Variants in CEP192 observed in about 807,000 individuals in gnomAD.
CEP192 encodes the protein centrosomal protein of 192 kDa.
In CEP192, 151 loss-of-function variants were observed where a neutral mutation model predicts 271.8. The ratio of observed to expected loss-of-function variants is 0.56; its 90% CI spans 0.49 to 0.64. CEP192 has a LOEUF of 0.64. Among genes scored for constraint, CEP192 ranks in the 30% least tolerant of loss-of-function variants. CEP192 has a pLI of 0.00. For synonymous variants in CEP192, 995 were observed against 1,076.5 expected, an observed-to-expected ratio of 0.92 and a Z score of 1.48; for missense variants, 2,910 against 3,020.5, an observed-to-expected ratio of 0.96 and a Z score of 0.86.
chr18:13,052,978 A>T lies in CEP192; in HGVS notation c.3077A>T (p.Glu1026Val), dbSNP rs1383258904. Reference protein sequence around the residue: ...AQQQQPPCEQELSPLVCSPAG... With the variant: ...AQQQQPPCEQVLSPLVCSPAG... ...CAGCAGCAGCCTCCCTGTGAGCAGG[A>T]GTTGTCTCCCTTGGTGTGCTCGCCT... Residue 1026 changes from glutamate to valine, a missense_variant, in exon 18 of 45, where the codon GAG (glutamate) becomes GTG (valine). Coordinates refer to ENST00000506447, the MANE Select transcript of CEP192 (RefSeq NM_032142.4). 3 of 1,613,764 alleles carry T rather than the reference A, an allele frequency of 1.9e-6. No individual in the cohort carries two copies. The highest frequency in any genetic ancestry group is 2.5e-6 in the Non-Finnish European group (3 of 1,179,778).
At position 13,037,227 on chromosome 18, in the gene CEP192, CT is replaced by C; in HGVS notation, c.1535-4del. On this transcript the variant is annotated splice_polypyrimidine_tract_variant and intron_variant, in intron 11 of 44. Coordinates refer to ENST00000506447, the MANE Select transcript of CEP192 (RefSeq NM_032142.4). The stretch of plus-strand genomic sequence containing the variant: ...AGTGTAATGTATTTATATAAACATT[CT>C]TTTTTAAGCTGAAGCATTTGATTTG... 1 of 1,188,254 alleles carries C rather than the reference CT, an allele frequency of 8.4e-7. No homozygotes were observed. Among genetic ancestry groups the C allele is most frequent in the Non-Finnish European group, 1.2e-6 (1 of 821,122 alleles). 73.6% of individuals were successfully genotyped at this position (1,188,254 alleles called of 1,614,324 possible). A position where few individuals can be genotyped will look rare whatever the true frequency, so the allele number is the denominator to read the frequency against.
chr18:13,051,930 A>G (rs982355152), intron 17 of CEP192, among the ~76,000 whole-genome samples: 3 of 152,204 alleles, frequency 2.0e-5, no homozygotes, highest in African/African-American at 4.8e-5. Flanking sequence ...ACTTTGTACA[A>G]AAAAGAAAGA....
Position 13,072,773 on chromosome 18 carries a change from A to G in CEP192, c.5367A>G (p.Leu1789=). The G allele has an allele frequency of 6.2e-7, 1 of 1,608,498 alleles. No individual in the cohort carries two copies. The highest frequency in any genetic ancestry group is 8.5e-7 in the Non-Finnish European group (1 of 1,174,876). Residue 1789 remains leucine (L), a synonymous_variant, in exon 29 of 45, where the codon TTA becomes TTG. Coordinates refer to ENST00000506447, the MANE Select transcript of CEP192 (RefSeq NM_032142.4). ...TTTTTAGGCTTCAGAAACTAGCTTT[A>G]AGAAATAATTCTGCATCTACAACTC... is the stretch of plus-strand genomic sequence containing the variant. ...LGRTQLQKLA[L]RNNSASTTQH...
At chr18:13,117,693 G>A (rs184063681) in intron 44 of CEP192, 50 bp downstream of exon 44, 12 of 1,443,540 alleles carry the variant, frequency 8.3e-6, no homozygotes, top group East Asian at 4.6e-5. Flanking sequence ...CAGGACTTTC[G>A]TCTCTTGGGA....
At chr18:13,080,360 G>T (rs187167314) in intron 30 of CEP192, among the ~76,000 whole-genome samples, 33 of 152,242 alleles carry the variant, frequency 2.2e-4, no homozygotes, top group African/African-American at 7.9e-4. Context: ...CACATCCCTT[G>T]TAAGTTGGAT....
chr18:13,099,460 T>C lies in CEP192; in HGVS notation c.6558-16T>C, dbSNP rs952416069. The C allele has an allele frequency of 1.3e-5, 17 of 1,292,960 alleles. No individual in the cohort carries two copies. Among genetic ancestry groups the C allele is most frequent in the Non-Finnish European group, 1.9e-5 (17 of 913,274 alleles). 80.1% of individuals were successfully genotyped at this position (1,292,960 alleles called of 1,614,324 possible). On this transcript the variant is annotated splice_polypyrimidine_tract_variant and intron_variant, in intron 36 of 44. Coordinates refer to ENST00000506447, the MANE Select transcript of CEP192 (RefSeq NM_032142.4). ...ATGCAGGCTCTTTTTAATTTTCTTATTAATTTTTTTTAAAGGAGTAAACTA... is the reference window on the plus strand; with the variant it reads ...ATGCAGGCTCTTTTTAATTTTCTTACTAATTTTTTTTAAAGGAGTAAACTA...
chr18:13,035,905 G>C (rs1408411073), intron 11 of CEP192, among the ~76,000 whole-genome samples: 1 of 152,134 alleles, frequency 6.6e-6, no homozygotes, highest in African/African-American at 2.4e-5. Flanking sequence ...AGCCGTTTGG[G>C]AAGCCAAGGT....
chr18:13,024,996 TC>T (rs2035212130), intron 9 of CEP192, among the ~76,000 whole-genome samples: 1 of 151,820 alleles, frequency 6.6e-6, no homozygotes, highest in Admixed American at 6.6e-5. Flanking sequence ...GGTCTCGAAC[TC>T]CTGACCTCAA....
At chr18:12,999,327 C>T in intron 1 of CEP192, 94 bp from the exon 2 acceptor site, 7 of 1,010,236 alleles carry the variant, frequency 6.9e-6, no homozygotes, top group Non-Finnish European at 9.6e-6. Flanking sequence ...GATTTTTTTC[C>T]TAAGATTTAT....
At chr18:13,048,753 AT>A in intron 15 of CEP192, 105 bp from the exon 16 acceptor site, 2 of 708,796 alleles carry the variant, frequency 2.8e-6, no homozygotes, top group Non-Finnish European at 4.8e-6. Flanking sequence ...GGTTTCAGGT[AT>A]CCACTTGGAG....
intron 11 of CEP192, among the ~76,000 whole-genome samples, chr18:13,031,512 G>A (rs1298767125): frequency 6.6e-6 from 1 of 152,116 alleles, no homozygotes; most frequent in African/African-American, 2.4e-5. Context: ...CTCCCAAAGT[G>A]CTGGGATTAC....
rs1416426624 is a variant in CEP192, at chr18:13,073,006, T to C, written c.5440-3T>C. The C allele has an allele frequency of 6.2e-7, 1 of 1,602,962 alleles. No individual in the cohort carries two copies. The highest frequency in any genetic ancestry group is 1.3e-5 in the African/African-American group (1 of 74,422). On this transcript the variant is annotated splice_polypyrimidine_tract_variant and splice_region_variant and intron_variant, in intron 29 of 44. Coordinates refer to ENST00000506447, the MANE Select transcript of CEP192 (RefSeq NM_032142.4). ...TATGCATTTAACTGTTTTTAAATTG[T>C]AGCTTCAGAACACTTTTGGTTCAGA...
chr18:13,060,377 G>C (rs1181537379), intron 21 of CEP192, among the ~76,000 whole-genome samples: 1 of 152,130 alleles, frequency 6.6e-6, no homozygotes, highest in Non-Finnish European at 1.5e-5. Context: ...ACTTACCAGA[G>C]GACTCGAAGT....
intron 1 of CEP192, among the ~76,000 whole-genome samples, chr18:12,995,336 T>C (rs2033159300): frequency 6.6e-6 from 1 of 151,924 alleles, no homozygotes; most frequent in South Asian, 2.1e-4. Flanking sequence ...AGTGCTGGGA[T>C]TACAGGCGTG....
chr18:12,995,330 C>T (rs2033158613), intron 1 of CEP192, among the ~76,000 whole-genome samples: 1 of 152,066 alleles, frequency 6.6e-6, no homozygotes, highest in East Asian at 1.9e-4. Flanking sequence ...TCCCAAAGTG[C>T]TGGGATTACA....
rs1248490916 is a variant in CEP192, at chr18:13,040,969, A to G, written c.1936+13A>G. ...GATCTATATTCAGGTAATGGATTCA[A>G]TGAAGGGGCTTTTAGGAATCTTTTT... On this transcript the variant is annotated intron_variant, in intron 14 of 44. Transcript: ENST00000506447. The G allele has an allele frequency of 7.5e-6, 12 of 1,592,470 alleles. No individual in the cohort carries two copies. The highest frequency in any genetic ancestry group is 4.1e-5 in the African/African-American group (3 of 73,716).
At position 13,073,185 on chromosome 18, in the gene CEP192, A is replaced by G. The variant is rs2038104715; in HGVS notation, c.5616A>G (p.Thr1872=). The G allele has an allele frequency of 1.2e-6, 2 of 1,601,234 alleles. No individual in the cohort carries two copies. The highest frequency in any genetic ancestry group is 1.7e-6 in the Non-Finnish European group (2 of 1,175,668). ...GATCACAACCAGGCATTAAGTTCAC[A>G]GTAAGATCATTTTATTGCCTTTCCC... ...GNRSQPGIKF[T]IPLSGYGGTS... Residue 1872 remains threonine, a splice_region_variant and synonymous_variant, in exon 30 of 45, where the codon ACA becomes ACG. Transcript: ENST00000506447.
At chr18:13,088,093 C>G (rs572527822) in intron 32 of CEP192, among the ~76,000 whole-genome samples, 1 of 152,198 alleles carries the variant, frequency 6.6e-6, no homozygotes, top group Admixed American at 6.5e-5. Context: ...GTTGAATTTT[C>G]GAAATGTGTA....
intron 11 of CEP192, among the ~76,000 whole-genome samples, chr18:13,036,266 C>T (rs1290548404): frequency 6.6e-6 from 1 of 152,154 alleles, no homozygotes; most frequent in Non-Finnish European, 1.5e-5. Context: ...TCTGCTTTTC[C>T]TGAACAGAAA....
Sources: gnomAD v4.1 joint callset for allele counts (sites outside exome capture counted in the v4.1 genomes callset) on GRCh38, gnomAD v4.1.1 for gene constraint, MANE v1.5 for transcripts, NCBI Gene and HGNC (gene_info 2026-07-23, HGNC 2026-07-21) for gene names.